Variants in SPAG17 observed in about 807,000 individuals in gnomAD.
The protein encoded by SPAG17 is sperm associated antigen 17, also known as sperm-associated antigen 17.
A neutral mutation model predicts 273.6 loss-of-function variants in SPAG17; 169 were observed. The ratio of observed to expected loss-of-function variants is 0.62; its 90% confidence interval spans 0.55 to 0.70. The LOEUF (loss-of-function observed/expected upper bound fraction) is 0.70, where lower values mean the gene tolerates loss of function less well. Ranked by LOEUF, SPAG17 falls within the 30% of genes least tolerant of loss-of-function variation. The pLI, the probability that SPAG17 is intolerant of heterozygous loss-of-function variation, is 0.00. For synonymous variants in SPAG17, 825 were observed against 873.2 expected (o/e 0.94, Z 0.97); for missense variants, 2,557 against 2,627.8 (o/e 0.97, Z 0.59).
At chr1:118,057,860 A>G (rs1651868867) in intron 18 of SPAG17, among the ~76,000 whole-genome samples, 1 of 151,588 alleles carries the variant, frequency 6.6e-6, no homozygotes, top group African/African-American at 2.4e-5. Context: ...TTTTTGTAAA[A>G]TAATATTAAT....
chr1:117,995,311 C>T (rs1162424008), intron 34 of SPAG17, among the ~76,000 whole-genome samples: 4 of 152,070 alleles, frequency 2.6e-5, no homozygotes, highest in Admixed American at 2.6e-4. Flanking sequence ...TATAATCATA[C>T]AGTTGTGTGA....
intron 10 of SPAG17, among the ~76,000 whole-genome samples, chr1:118,088,319 G>C (rs914981931): frequency 2.0e-5 from 3 of 151,942 alleles, no homozygotes; most frequent in Non-Finnish European, 4.4e-5. Flanking sequence ...TGTCTTCTTT[G>C]GTACCTGGAA....
intron 34 of SPAG17, among the ~76,000 whole-genome samples, chr1:117,995,243 T>C (rs969932428): frequency 3.3e-5 from 5 of 152,138 alleles, no homozygotes; most frequent in African/African-American, 1.2e-4. Flanking sequence ...TGTCAGTTTC[T>C]TCTGTTAGAT....
At chr1:117,985,463 A>G (rs1467346041) in intron 40 of SPAG17, among the ~76,000 whole-genome samples, 1 of 152,198 alleles carries the variant, frequency 6.6e-6, no homozygotes. Flanking sequence ...CTGGGGCTGC[A>G]GCAATCATTT....
intron 4 of SPAG17, among the ~76,000 whole-genome samples, chr1:118,107,991 G>A (rs1245515686): frequency 1.3e-5 from 2 of 152,184 alleles, no homozygotes; most frequent in Non-Finnish European, 2.9e-5. Context: ...CTCTGGTGCA[G>A]AGAAAATATA....
At chr1:118,144,432 G>A (rs147872441) in intron 3 of SPAG17, among the ~76,000 whole-genome samples, 4 of 152,140 alleles carry the variant, frequency 2.6e-5, no homozygotes, top group East Asian at 1.9e-4. Context: ...TTCCTTCTTC[G>A]GGTAAGAAAT....
At chr1:117,954,583 C>G (rs147613184) in intron 48 of SPAG17, 2 of 1,612,244 alleles carry the variant, frequency 1.2e-6, no homozygotes, top group Non-Finnish European at 1.7e-6. Flanking sequence ...TTCATAGGTT[C>G]CACTTCCCAG....
intron 47 of SPAG17, chr1:117,964,151 C>A: frequency 4.9e-6 from 2 of 409,836 alleles, no homozygotes; most frequent in Admixed American, 3.5e-5. Context: ...CCCTAGTGTA[C>A]ATTTCTCTCC....
At chr1:118,028,647 A>G (rs988988493) in intron 25 of SPAG17, among the ~76,000 whole-genome samples, 4 of 152,190 alleles carry the variant, frequency 2.6e-5, no homozygotes, top group African/African-American at 9.7e-5. Context: ...AGTGAAAGTT[A>G]ATAAGAACAA....
At chr1:118,015,227 T>C (rs1370548797) in intron 29 of SPAG17, among the ~76,000 whole-genome samples, 1 of 146,708 alleles carries the variant, frequency 6.8e-6, no homozygotes, top group African/African-American at 2.5e-5. Context: ...GAGGTTGCAG[T>C]GAGCTTGCAC....
chr1:117,987,896 A>T lies in SPAG17; in HGVS notation c.5622-15T>A. 1 of 1,613,774 alleles carries T rather than the reference A, an allele frequency of 6.2e-7. No individual in the cohort carries two copies. The highest frequency in any genetic ancestry group is 8.5e-7 in the Non-Finnish European group (1 of 1,179,846). Reference sequence around the variant, plus strand: ...ATGCTGTGTGTCTATGTGAAAGGAAAGGAAAGTATGGTGAAAAGGGGCAAT... The same window carrying T: ...ATGCTGTGTGTCTATGTGAAAGGAATGGAAAGTATGGTGAAAAGGGGCAAT... On this transcript the variant is annotated splice_polypyrimidine_tract_variant and intron_variant, in intron 39 of 48. Coordinates refer to ENST00000336338, the MANE Select transcript of SPAG17 (RefSeq NM_206996.4).
chr1:117,975,044 T>A (rs982491055), intron 43 of SPAG17, among the ~76,000 whole-genome samples: 1 of 152,148 alleles, frequency 6.6e-6, no homozygotes, highest in Non-Finnish European at 1.5e-5. Context: ...CCTGGATATT[T>A]CCACTGAAGC....
rs1657593031 is a variant in SPAG17 at position 118,124,476 on chromosome 1, T to C, written c.316-9035A>G. The stretch of plus-strand genomic sequence containing the variant: ...CTGATGCATATATAGACAAACAGTA[T>C]ATTCACTCCTTAAATAAACATAAGA... On this transcript the variant is annotated intron_variant, in intron 3 of 48. Coordinates refer to ENST00000336338, the MANE Select transcript of SPAG17 (RefSeq NM_206996.4). Among the ~76,000 whole-genome samples, 5 of 152,258 alleles carry C rather than the reference T, an allele frequency of 3.3e-5. No individual in the cohort carries two copies. In the South Asian group the frequency reaches 1.0e-3, roughly 31 times the overall value.
chr1:118,123,364 C>T (rs1224289227), intron 3 of SPAG17, among the ~76,000 whole-genome samples: 1 of 151,630 alleles, frequency 6.6e-6, no homozygotes, highest in Non-Finnish European at 1.5e-5. Flanking sequence ...TGAGAGGGGG[C>T]TATGGAGAGA....
Position 117,971,770 on chromosome 1 carries a change from G to A in SPAG17, c.6326+93C>T, listed in dbSNP as rs1451870294. ...AAGATTCAAGGAGTAATTACAGTTCGGTTCAATAAACATTTATTGATGGAG... is the reference window on the plus strand; with the variant it reads ...AAGATTCAAGGAGTAATTACAGTTCAGTTCAATAAACATTTATTGATGGAG... On this transcript the variant is annotated intron_variant, in intron 45 of 48. Coordinates refer to ENST00000336338, the MANE Select transcript of SPAG17 (RefSeq NM_206996.4). 9.8e-6 allele frequency: 10 copies of A among 1,015,778 alleles called. No individual in the cohort carries two copies. In the East Asian group the frequency reaches 1.0e-4, roughly 10 times the overall value. 62.9% of individuals were successfully genotyped at this position (1,015,778 alleles called of 1,614,324 possible).
intron 43 of SPAG17, among the ~76,000 whole-genome samples, chr1:117,978,579 T>C (rs906995907): frequency 1.3e-5 from 2 of 152,224 alleles, no homozygotes; most frequent in Non-Finnish European, 2.9e-5. Flanking sequence ...CTCTTTTATA[T>C]GCAATTCCAT....
intron 13 of SPAG17, 29 bp from the exon 14 acceptor site, chr1:118,081,671 G>T: frequency 6.4e-7 from 1 of 1,568,436 alleles, no homozygotes; most frequent in Non-Finnish European, 8.8e-7. Flanking sequence ...AGTGCTGCTG[G>T]AAATGTTCTT....
Position 118,087,000 on chromosome 1 carries a change from T to A in SPAG17, c.1368A>T (p.Ala456=). 6.4e-7 allele frequency: 1 copy of A among 1,563,460 alleles called. No individual in the cohort carries two copies. Among genetic ancestry groups the A allele is most frequent in the Non-Finnish European group, 8.6e-7 (1 of 1,158,898 alleles). Residue 456 remains alanine (A), a synonymous_variant, in exon 11 of 49, where the codon GCA becomes GCT. Coordinates refer to ENST00000336338, the MANE Select transcript of SPAG17 (RefSeq NM_206996.4). The stretch of plus-strand genomic sequence containing the variant: ...TGGGTGGGACGAGATCTTCTTCAGT[T>A]GCAACAACCTGTTGAAATCAACAAT... ...ILHCMLEQVV[A]TEEDLVPPSL...
chr1:118,087,049 G>A (rs555272551), intron 10 of SPAG17, 41 bp from the exon 11 acceptor site: 33 of 1,521,870 alleles, frequency 2.2e-5, no homozygotes, highest in South Asian at 9.4e-5. Context: ...GTAAGGGTCC[G>A]CTCTTTAGTG....
Sources: gnomAD v4.1 joint callset for allele counts (sites outside exome capture counted in the v4.1 genomes callset) on GRCh38, gnomAD v4.1.1 for gene constraint, MANE v1.5 for transcripts, NCBI Gene and HGNC (gene_info 2026-07-23, HGNC 2026-07-21) for gene names.